CRB1: variants seen among roughly 807,000 people sequenced by gnomAD.
The protein encoded by CRB1 is protein crumbs homolog 1.
CRB1 carries 83 observed loss-of-function variants against 120.0 expected under a neutral mutation model. The ratio of observed to expected loss-of-function variants is 0.69; its 90% confidence interval spans 0.58 to 0.83. The LOEUF (loss-of-function observed/expected upper bound fraction) is 0.83. Ranked by LOEUF, CRB1 falls within the 40% of genes least tolerant of loss-of-function variation. The pLI, the probability that CRB1 is intolerant of heterozygous loss-of-function variation, is 0.00. For missense variants in CRB1, 1,699 were observed against 1,687.6 expected (o/e 1.01, Z -0.12); for synonymous variants, 625 against 612.5 (o/e 1.02, Z -0.30).
At chr1:197,248,859 G>A in the CRB1 span, among the ~76,000 whole-genome samples, 1 of 151,772 alleles carries the variant, frequency 6.6e-6, no homozygotes, top group Non-Finnish European at 1.5e-5. Context: ...GCCACAGAAG[G>A]AACAGATGTC....
Position 197,347,411 on chromosome 1 carries a change from CA to C in CRB1, c.924del (p.Lys308AsnfsTer144), listed in dbSNP as rs1386566957. 1 of 1,613,906 alleles carries C rather than the reference CA, an allele frequency of 6.2e-7. No individual in the cohort carries two copies. Among genetic ancestry groups the C allele is most frequent in the Non-Finnish European group, 8.5e-7 (1 of 1,179,940 alleles). ...HCETLMPLCW[S>X]KPCHNNATCE... ...GAGACCTTGATGCCTCTTTGTTGGT[CA>C]AAACCTTGTCACAATAATGCTACAT... On this transcript the variant is annotated frameshift_variant, in exon 4 of 12. Coordinates refer to ENST00000367400, the MANE Select transcript of CRB1 (RefSeq NM_201253.3). LOFTEE classifies it high-confidence loss of function.
intron 5 of CRB1, among the ~76,000 whole-genome samples, chr1:197,387,409 C>T (rs1319372049): frequency 9.9e-5 from 15 of 152,104 alleles, no homozygotes; most frequent in Middle Eastern, 3.4e-3. Flanking sequence ...TTTTCCTCTG[C>T]CATTTGTCTT....
chr1:197,439,728 A>G (rs904415250), intron 10 of CRB1: 4 of 152,186 alleles, frequency 2.6e-5, no homozygotes, highest in Middle Eastern at 3.2e-3. Context: ...TTTGACAAAG[A>G]TATTTTGACT....
At chr1:197,382,327 G>T (rs1341877249) in intron 5 of CRB1, among the ~76,000 whole-genome samples, 1 of 152,108 alleles carries the variant, frequency 6.6e-6, no homozygotes, top group Non-Finnish European at 1.5e-5. Flanking sequence ...TAGGGCTCAT[G>T]ACTGTATTTC....
intron 6 of CRB1, among the ~76,000 whole-genome samples, chr1:197,422,158 A>G (rs1170882268): frequency 2.0e-5 from 3 of 152,262 alleles, no homozygotes; most frequent in Non-Finnish European, 4.4e-5. Context: ...ATAGGACATC[A>G]GTTTCACTCA....
chr1:197,262,033 C>T, the CRB1 span, among the ~76,000 whole-genome samples: 5 of 152,052 alleles, frequency 3.3e-5, no homozygotes, highest in South Asian at 4.1e-4. Context: ...GTACTTTTTT[C>T]CTCAGAAGAC....
chr1:197,201,586 A>G, the CRB1 span, among the ~76,000 whole-genome samples: 1 of 152,110 alleles, frequency 6.6e-6, no homozygotes, highest in Non-Finnish European at 1.5e-5. Context: ...CCCGATCGAA[A>G]CCGTGAGGCT....
chr1:197,449,145 A>G (rs1011833864), intron 11 of CRB1, among the ~76,000 whole-genome samples: 1 of 152,186 alleles, frequency 6.6e-6, no homozygotes, highest in African/African-American at 2.4e-5. Flanking sequence ...TTGTAACATC[A>G]TAGTTATGAC....
the CRB1 span, among the ~76,000 whole-genome samples, chr1:197,243,745 G>A: frequency 2.6e-5 from 4 of 151,962 alleles, no homozygotes; most frequent in South Asian, 2.1e-4. Context: ...TTTCTGTCTC[G>A]TTGATCTGTC....
At chr1:197,465,250 G>A (rs925918843) in intron 11 of CRB1, among the ~76,000 whole-genome samples, 18 of 152,128 alleles carry the variant, frequency 1.2e-4, no homozygotes, top group Non-Finnish European at 2.1e-4. Flanking sequence ...AATGCTGTTA[G>A]ACTTTATTTT....
intron 1 of CRB1, among the ~76,000 whole-genome samples, chr1:197,290,348 G>A (rs1258238053): frequency 6.7e-6 from 1 of 149,110 alleles, no homozygotes; most frequent in Non-Finnish European, 1.5e-5. Context: ...ACTGTAAATG[G>A]GATAGATGCA....
intron 10 of CRB1, chr1:197,439,760 A>G (rs1485612420): frequency 6.6e-6 from 1 of 152,196 alleles, no homozygotes; most frequent in Non-Finnish European, 1.5e-5. Flanking sequence ...TCCCATAAGC[A>G]TAGTTAATAA....
chr1:197,369,343 C>T (rs980328978), intron 5 of CRB1, among the ~76,000 whole-genome samples: 15 of 152,072 alleles, frequency 9.9e-5, no homozygotes, highest in African/African-American at 3.4e-4. Context: ...AAACACCCCT[C>T]TCCTCCTGCA....
chr1:197,273,735 C>A (rs1348547142), intron 1 of CRB1, among the ~76,000 whole-genome samples: 1 of 151,928 alleles, frequency 6.6e-6, no homozygotes, highest in Non-Finnish European at 1.5e-5. Context: ...CAGTTGGCTC[C>A]TATTTTCTTT....
intron 5 of CRB1, among the ~76,000 whole-genome samples, chr1:197,398,852 C>T (rs918904885): frequency 4.7e-5 from 7 of 148,082 alleles, no homozygotes; most frequent in Non-Finnish European, 8.9e-5. Context: ...CCAAGGACAA[C>T]AGAGATAATA....
chr1:197,293,090 G>T (rs1656290954), intron 1 of CRB1, among the ~76,000 whole-genome samples: 1 of 152,030 alleles, frequency 6.6e-6, no homozygotes, highest in African/African-American at 2.4e-5. Flanking sequence ...AGAAATAAAT[G>T]GTATTCGATC....
intron 1 of CRB1, among the ~76,000 whole-genome samples, chr1:197,274,303 C>T (rs756435133): frequency 5.3e-5 from 8 of 152,048 alleles, no homozygotes; most frequent in Non-Finnish European, 8.8e-5. Flanking sequence ...ATAGCTGTTT[C>T]ATTTTGTTTT....
chr1:197,411,438 T>C (rs865964323), intron 5 of CRB1, among the ~76,000 whole-genome samples: 2 of 152,224 alleles, frequency 1.3e-5, no homozygotes, highest in African/African-American at 4.8e-5. Flanking sequence ...TTGAAACTCA[T>C]AGGTCTTCAC....
At chr1:197,390,651 G>A (rs1301823062) in intron 5 of CRB1, among the ~76,000 whole-genome samples, 1 of 151,968 alleles carries the variant, frequency 6.6e-6, no homozygotes, top group Non-Finnish European at 1.5e-5. Context: ...TACCCATAAA[G>A]GTCCTCTGTT....
Sources: allele counts gnomAD v4.1 joint callset (sites outside exome capture counted in the v4.1 genomes callset), GRCh38; gene constraint gnomAD v4.1.1; transcripts MANE v1.5; gene names NCBI Gene and HGNC (gene_info 2026-07-23, HGNC 2026-07-21).